SEPTIN9: variants seen among roughly 807,000 people sequenced by gnomAD.
SEPTIN9 encodes the protein septin-9.
In SEPTIN9, 13 loss-of-function variants were observed where a neutral mutation model predicts 56.6. The ratio of observed to expected loss-of-function variants is 0.23; its 90% CI spans 0.15 to 0.37. The LOEUF (loss-of-function observed/expected upper bound fraction) is 0.37. Ranked by LOEUF, SEPTIN9 falls within the 10% of genes least tolerant of loss-of-function variation. The probability of loss-of-function intolerance (pLI) is 1.00; values close to 1 mark genes in which losing one functional copy is unlikely to be tolerated. For synonymous variants in SEPTIN9, 332 were observed against 334.1 expected (o/e 0.99, Z 0.07); for missense variants, 650 against 823.1 (o/e 0.79, Z 2.57).
rs753083015 is a variant in SEPTIN9, at chr17:77,488,222, G to C, written c.1043-18G>C. The C allele has an allele frequency of 6.2e-6, 10 of 1,612,878 alleles. No individual in the cohort carries two copies. On this transcript the variant is annotated intron_variant, in intron 5 of 11. Coordinates refer to ENST00000427177, the MANE Select transcript of SEPTIN9 (RefSeq NM_001113491.2). ...TCTTCCGTCTCCCCTCTGACTCTGC[G>C]TCCGTGGCTCTGTGCAGATATTGAG...
chr17:77,379,596 G>A (rs1272601954), intron 2 of SEPTIN9, among the ~76,000 whole-genome samples: 2 of 152,072 alleles, frequency 1.3e-5, no homozygotes, highest in African/African-American at 4.8e-5. Flanking sequence ...TTTCTTACAT[G>A]CCCAGGCATC....
chr17:77,484,982 G>A (rs1268623092), intron 4 of SEPTIN9, among the ~76,000 whole-genome samples: 1 of 100,880 alleles, frequency 9.9e-6, no homozygotes, highest in Non-Finnish European at 2.0e-5. Flanking sequence ...GGTGATGGTG[G>A]TGATTGTGAT....
intron 2 of SEPTIN9, among the ~76,000 whole-genome samples, chr17:77,321,667 C>T (rs532903778): frequency 1.6e-4 from 24 of 152,236 alleles, no homozygotes; most frequent in African/African-American, 5.8e-4. Flanking sequence ...GGATTACAGG[C>T]GTGAGCCACG....
At chr17:77,342,037 C>A (rs1418761252) in intron 2 of SEPTIN9, among the ~76,000 whole-genome samples, 1 of 148,846 alleles carries the variant, frequency 6.7e-6, no homozygotes, top group African/African-American at 2.5e-5. Context: ...GAGCCGAGAT[C>A]GCGCCGCTGC....
chr17:77,458,694 C>T (rs2038326183), intron 3 of SEPTIN9, among the ~76,000 whole-genome samples: 1 of 152,204 alleles, frequency 6.6e-6, no homozygotes, highest in South Asian at 2.1e-4. Flanking sequence ...GGCCCAACCA[C>T]ATGGCAGCCA....
intron 2 of SEPTIN9, among the ~76,000 whole-genome samples, chr17:77,339,403 A>G (rs2033655499): frequency 6.6e-6 from 1 of 152,210 alleles, no homozygotes; most frequent in Admixed American, 6.5e-5. Flanking sequence ...CATGAAAACA[A>G]CATTCATCTT....
At chr17:77,480,656 C>A (rs1354856073) in intron 3 of SEPTIN9, among the ~76,000 whole-genome samples, 1 of 152,218 alleles carries the variant, frequency 6.6e-6, no homozygotes, top group Non-Finnish European at 1.5e-5. Flanking sequence ...GTGGCCCTGG[C>A]TCCCACGCCG....
In SEPTIN9 at chr17:77,421,324, C is replaced by T. The variant is rs980968994; in HGVS notation, c.721+18621C>T. ...GGGGTGAGCAGGAACAGATTGGAACCGCATTTCTCTCCCCCCAGTCACAGC... is the reference window on the plus strand; with the variant it reads ...GGGGTGAGCAGGAACAGATTGGAACTGCATTTCTCTCCCCCCAGTCACAGC... On this transcript the variant is annotated intron_variant, in intron 3 of 11. Coordinates refer to ENST00000427177, the MANE Select transcript of SEPTIN9 (RefSeq NM_001113491.2). The surrounding 1 kb of genome is among the most constrained non-coding windows in gnomAD (Gnocchi z 4.6). 2.6e-5 allele frequency among the ~76,000 whole-genome samples: 4 copies of T among 152,160 alleles called. No individual in the cohort carries two copies. The highest frequency in any genetic ancestry group is 4.8e-5 in the African/African-American group (2 of 41,416).
Position 77,399,232 on chromosome 17 carries a change from A to G in SEPTIN9, c.77-2827A>G, listed in dbSNP as rs965648576. Among the ~76,000 whole-genome samples, 19 of 152,310 alleles carry G rather than the reference A, an allele frequency of 1.2e-4. No homozygotes were observed. The East Asian group carries it at 3.7e-3, about 29-fold the overall frequency. On this transcript the variant is annotated intron_variant, in intron 2 of 11. Transcript: ENST00000427177. ...CAGTGTCTTCGATCATGAGTTGGCC[A>G]TGGTGGGGGTGACTCCAAGGGGACT... is the stretch of plus-strand genomic sequence containing the variant.
At chr17:77,420,225 C>T (rs933061440) in intron 3 of SEPTIN9, among the ~76,000 whole-genome samples, 10 of 152,192 alleles carry the variant, frequency 6.6e-5, no homozygotes, top group Non-Finnish European at 1.5e-4. Flanking sequence ...GCTGCTCTGT[C>T]TGGGGACCTT....
chr17:77,475,897 A>G lies in SEPTIN9; in HGVS notation c.722-6247A>G, dbSNP rs1248522994. The G allele has an allele frequency of 6.2e-7, 1 of 1,610,256 alleles. No individual in the cohort carries two copies. The highest frequency in any genetic ancestry group is 1.3e-5 in the African/African-American group (1 of 74,876). ...CTGCTTGGCCACCATTGGCAGTGACAGACAAGGTGTGTGGGGATGTGGCCA... is the reference window on the plus strand; with the variant it reads ...CTGCTTGGCCACCATTGGCAGTGACGGACAAGGTGTGTGGGGATGTGGCCA... On this transcript the variant is annotated intron_variant, in intron 3 of 11. Transcript: ENST00000427177. This position sits in a 1 kb window ranked among gnomAD's most constrained non-coding sequence, Gnocchi z 4.6.
rs185900977 is a variant in SEPTIN9, at chr17:77,452,708, C to T, written c.722-29436C>T. 1.2e-4 allele frequency among the ~76,000 whole-genome samples: 19 copies of T among 152,062 alleles called. No homozygotes were observed. The East Asian group carries it at 3.3e-3, about 26-fold the overall frequency. ...GGAGGAAGCAGAAAAAGGCCCCATT[C>T]CCTAATAATGCTGTGGGTTTTCCTC... On this transcript the variant is annotated intron_variant, in intron 3 of 11. Coordinates refer to ENST00000427177, the MANE Select transcript of SEPTIN9 (RefSeq NM_001113491.2).
intron 3 of SEPTIN9, among the ~76,000 whole-genome samples, chr17:77,473,120 G>A (rs1253149814): frequency 6.6e-6 from 1 of 152,230 alleles, no homozygotes; most frequent in Non-Finnish European, 1.5e-5. Flanking sequence ...TCCGCAAACA[G>A]CAACTTGTTC....
chr17:77,489,026 C>T (rs1436429694), intron 7 of SEPTIN9, among the ~76,000 whole-genome samples, 162 bp downstream of exon 7: 1 of 145,804 alleles, frequency 6.9e-6, no homozygotes, highest in Admixed American at 6.8e-5. Context: ...CATGTCTGCA[C>T]CTCCAAAGCC....
rs894738799 is a variant in SEPTIN9 at position 77,453,622 on chromosome 17, A to G, written c.722-28522A>G. ...CTCTGTCTCAAAAAAAAAAAAAAAA[A>G]GCCTTATCTGGGCCTGGGATCTGTC... On this transcript the variant is annotated intron_variant, in intron 3 of 11. Coordinates refer to ENST00000427177, the MANE Select transcript of SEPTIN9 (RefSeq NM_001113491.2). The surrounding 1 kb of genome is among the most constrained non-coding windows in gnomAD (Gnocchi z 4.4). Among the ~76,000 whole-genome samples the G allele has an allele frequency of 1.3e-4, 19 of 150,782 alleles. No homozygotes were observed. The highest frequency in any genetic ancestry group is 4.4e-5 in the Non-Finnish European group (3 of 67,708).
At chr17:77,360,641 T>G (rs1192780177) in intron 2 of SEPTIN9, among the ~76,000 whole-genome samples, 1 of 151,840 alleles carries the variant, frequency 6.6e-6, no homozygotes. Flanking sequence ...CTCCGCTCAC[T>G]GCAAGCTCCG....
chr17:77,321,676 C>T (rs1419827048), intron 2 of SEPTIN9, among the ~76,000 whole-genome samples: 1 of 152,214 alleles, frequency 6.6e-6, no homozygotes, highest in African/African-American at 2.4e-5. Flanking sequence ...GCGTGAGCCA[C>T]GGCGCCCGGC....
intron 3 of SEPTIN9, among the ~76,000 whole-genome samples, chr17:77,477,110 G>C (rs147950460): frequency 2.4e-5 from 3 of 124,832 alleles, no homozygotes; most frequent in African/African-American, 9.5e-5. Flanking sequence ...TTCCTTCCCT[G>C]TTTCCTTCCC....
intron 2 of SEPTIN9, among the ~76,000 whole-genome samples, chr17:77,370,664 T>A (rs2034692864): frequency 1.3e-5 from 2 of 152,204 alleles, no homozygotes; most frequent in Admixed American, 1.3e-4. Context: ...GCCTTTATAG[T>A]TCTTTTGTTC....
Sources: allele counts gnomAD v4.1 joint callset (sites outside exome capture counted in the v4.1 genomes callset), GRCh38; gene constraint gnomAD v4.1.1; non-coding constraint Gnocchi (gnomAD v3.1); transcripts MANE v1.5; gene names NCBI Gene and HGNC (gene_info 2026-07-23, HGNC 2026-07-21).